TASOR2: variants seen among roughly 807,000 people sequenced by gnomAD.
TASOR2 encodes the protein protein TASOR 2.
Under a neutral mutation model 199.5 loss-of-function variants are expected in TASOR2, and 84 were observed. The ratio of observed to expected loss-of-function variants is 0.42; its 90% confidence interval spans 0.35 to 0.50. The LOEUF (loss-of-function observed/expected upper bound fraction) is 0.50, where lower values mean the gene tolerates loss of function less well. TASOR2 is among the 20% of genes least tolerant of loss of function. TASOR2 has a pLI of 0.02. For missense variants in TASOR2, 2,796 were observed against 2,835.9 expected (o/e 0.99, Z 0.32); for synonymous variants, 1,103 against 1,046.6 (o/e 1.05, Z -1.04).
intron 14 of TASOR2, among the ~76,000 whole-genome samples, chr10:5,743,445 T>TTAA (rs1432304845): frequency 6.6e-6 from 1 of 152,210 alleles, no homozygotes; most frequent in Admixed American, 6.5e-5. Context: ...TTAAAGACTA[T>TTAA]TAATCTCCCC....
chr10:5,748,371 C>T lies in TASOR2; in HGVS notation c.4950C>T (p.Cys1650=), dbSNP rs184226081. ...ATGGAGCTTATTCTACACAGGGATG[C>T]ATGTGCTCAGTGGTCCCCACGCTTT... The change falls in exon 15 of 21, where the codon TGC becomes TGT. Residue 1650 remains cysteine (C), a synonymous_variant. Transcript: ENST00000328090. This position sits in a 1 kb window ranked among gnomAD's most constrained non-coding sequence, Gnocchi z 5.1. 158 of 1,614,242 alleles carry T rather than the reference C, an allele frequency of 9.8e-5. 1 individual carries two copies. In the East Asian group the frequency reaches 3.3e-3, roughly 34 times the overall value.
intron 1 of TASOR2, among the ~76,000 whole-genome samples, chr10:5,691,995 C>T (rs1240399849): frequency 1.3e-5 from 2 of 152,004 alleles, no homozygotes; most frequent in Admixed American, 6.6e-5. Flanking sequence ...CAGGTTAACA[C>T]GGTGAAACGC....
intron 1 of TASOR2, among the ~76,000 whole-genome samples, chr10:5,695,889 T>G (rs1057349691): frequency 2.4e-4 from 36 of 152,160 alleles, no homozygotes; most frequent in African/African-American, 7.2e-4. Flanking sequence ...ACAGGACTTC[T>G]GAAGTCAAGA....
At chr10:5,714,503 G>C (rs1239913072) in intron 2 of TASOR2, 1 of 237,552 alleles carries the variant, frequency 4.2e-6, no homozygotes, top group Non-Finnish European at 8.0e-6. Context: ...GGAATGTGAG[G>C]GGTAAGAGAG....
chr10:5,748,888 C>T lies in TASOR2; in HGVS notation c.5467C>T (p.His1823Tyr). 6.2e-7 allele frequency: 1 copy of T among 1,614,130 alleles called. No homozygotes were observed. The highest frequency in any genetic ancestry group is 8.5e-7 in the Non-Finnish European group (1 of 1,180,008). The change falls in exon 15 of 21, where the codon CAC becomes TAC. Residue 1823 changes from histidine (H) to tyrosine (Y), a missense_variant. Transcript: ENST00000328090. This position sits in a 1 kb window ranked among gnomAD's most constrained non-coding sequence, Gnocchi z 5.1. ...AGAGGTCGGTGTGAATTCCGACATGCACTATGAACTCTCTGGAGATTCTGA... is the reference window on the plus strand; with the variant it reads ...AGAGGTCGGTGTGAATTCCGACATGTACTATGAACTCTCTGGAGATTCTGA...
chr10:5,738,909 T>C lies in TASOR2; in HGVS notation c.1448-709T>C, dbSNP rs796457076. On this transcript the variant is annotated intron_variant, in intron 12 of 20. Transcript: ENST00000328090. This position sits in a 1 kb window ranked among gnomAD's most constrained non-coding sequence, Gnocchi z 4.7. ...GCATATGGATAGATTTGATTATCTG[T>C]AAAAGGGAACATTGTCAGTAGATTT... is the stretch of plus-strand genomic sequence containing the variant. Among the ~76,000 whole-genome samples the C allele has an allele frequency of 1.3e-5, 2 of 152,330 alleles. No individual in the cohort carries two copies. The highest frequency in any genetic ancestry group is 2.9e-5 in the Non-Finnish European group (2 of 68,040).
intron 6 of TASOR2, 120 bp from the exon 8 acceptor site, chr10:5,723,557 C>A: frequency 1.9e-6 from 1 of 523,906 alleles, no homozygotes; most frequent in Non-Finnish European, 3.3e-6. Flanking sequence ...TGGAGCTTAT[C>A]AACTTAAGGT....
intron 17 of TASOR2, 99 bp from the exon 19 acceptor site, chr10:5,758,788 G>GT: frequency 1.5e-5 from 13 of 862,624 alleles, no homozygotes; most frequent in Admixed American, 2.2e-5. Flanking sequence ...GTCTTAGTCT[G>GT]TTTTTTTCTT....
intron 7 of TASOR2, among the ~76,000 whole-genome samples, 190 bp from the exon 9 acceptor site, chr10:5,724,240 G>C (rs916224024): frequency 3.3e-5 from 5 of 152,072 alleles, no homozygotes; most frequent in African/African-American, 1.2e-4. Context: ...ATAAATAAGA[G>C]CATTGTTTTA....
intron 2 of TASOR2, among the ~76,000 whole-genome samples, chr10:5,713,573 T>C (rs2131552448): frequency 6.6e-6 from 1 of 152,326 alleles, no homozygotes; most frequent in African/African-American, 2.4e-5. Flanking sequence ...AGCACTAACA[T>C]ATAATAAGGA....
chr10:5,694,302 G>A (rs1281959838), intron 1 of TASOR2, among the ~76,000 whole-genome samples: 1 of 152,112 alleles, frequency 6.6e-6, no homozygotes, highest in African/African-American at 2.4e-5. Context: ...GCAGTGAGAG[G>A]GTACTGAGGG....
In TASOR2 at chr10:5,737,167, C is replaced by T. The variant is rs1835733518; in HGVS notation, c.1447+1621C>T. Among the ~76,000 whole-genome samples, 1 of 152,034 alleles carries T rather than the reference C, an allele frequency of 6.6e-6. No homozygotes were observed. Among genetic ancestry groups the T allele is most frequent in the African/African-American group, 2.4e-5 (1 of 41,386 alleles). On this transcript the variant is annotated intron_variant, in intron 12 of 20. Transcript: ENST00000328090. This position sits in a 1 kb window ranked among gnomAD's most constrained non-coding sequence, Gnocchi z 4.9. ...TAGAGATGGGGTTTAACCATTTTGG[C>T]CAGGATAGTCTCAACTTCTTGACCT...
intron 11 of TASOR2, among the ~76,000 whole-genome samples, chr10:5,733,678 A>G (rs1835160159): frequency 6.6e-6 from 1 of 152,216 alleles, no homozygotes. Context: ...GTACTTGGGA[A>G]TATCTTCCTT....
At chr10:5,714,421 T>C (rs1832340168) in intron 2 of TASOR2, 4 of 355,962 alleles carry the variant, frequency 1.1e-5, no homozygotes, top group African/African-American at 2.1e-5. Flanking sequence ...TGGTATTGTC[T>C]TGAGAATCTC....
At chr10:5,725,189 G>A (rs1833889992) in intron 8 of TASOR2, among the ~76,000 whole-genome samples, 3 of 151,988 alleles carry the variant, frequency 2.0e-5, no homozygotes, top group Admixed American at 6.6e-5. Context: ...CACGAGGTCA[G>A]GAGATCGAGA....
At chr10:5,697,252 CT>C (rs1488056151) in intron 1 of TASOR2, among the ~76,000 whole-genome samples, 1 of 151,546 alleles carries the variant, frequency 6.6e-6, no homozygotes, top group African/African-American at 2.4e-5. Context: ...GAGGTGCTAG[CT>C]CTTAAACTGC....
rs377625753 is a variant in TASOR2, at chr10:5,702,380, A to G, written c.-287-10443A>G. Among the ~76,000 whole-genome samples, 9 of 152,150 alleles carry G rather than the reference A, an allele frequency of 5.9e-5. No homozygotes were observed. The East Asian group carries it at 9.6e-4, about 16-fold the overall frequency. Reference sequence around the variant, plus strand: ...TAGTATATTGAGAATTTTTGCATCTATGTTTATCTGTGATATTGGCCTGTA... The same window carrying G: ...TAGTATATTGAGAATTTTTGCATCTGTGTTTATCTGTGATATTGGCCTGTA... On this transcript the variant is annotated intron_variant, in intron 1 of 20. Coordinates refer to ENST00000328090, the Ensembl canonical transcript of TASOR2.
chr10:5,751,119 TCCCCTTA>T lies in TASOR2; in HGVS notation c.6606+1094_6606+1100del, dbSNP rs1039527418. Among the ~76,000 whole-genome samples the T allele has an allele frequency of 1.3e-5, 2 of 152,264 alleles. No homozygotes were observed. The highest frequency in any genetic ancestry group is 4.8e-5 in the African/African-American group (2 of 41,476). On this transcript the variant is annotated intron_variant, in intron 15 of 20. Coordinates refer to ENST00000328090, the Ensembl canonical transcript of TASOR2. The surrounding 1 kb of genome is among the most constrained non-coding windows in gnomAD (Gnocchi z 5.3). ...TCAGGAGGCACCCGATGTTGATTTATCCCCTTACTGGTATATTAACCTTTTCACTTGG... is the reference window on the plus strand; with the variant it reads ...TCAGGAGGCACCCGATGTTGATTTATCTGGTATATTAACCTTTTCACTTGG...
chr10:5,704,205 CAG>C (rs1271612065), intron 1 of TASOR2, among the ~76,000 whole-genome samples: 2 of 140,302 alleles, frequency 1.4e-5, no homozygotes, highest in Non-Finnish European at 3.0e-5. Context: ...GCCTGGGTGA[CAG>C]AGTGAGACTC....
Sources: gnomAD v4.1 joint callset for allele counts (sites outside exome capture counted in the v4.1 genomes callset) on GRCh38, gnomAD v4.1.1 for gene constraint, Gnocchi (gnomAD v3.1) non-coding constraint, MANE v1.5 for transcripts, NCBI Gene and HGNC (gene_info 2026-07-23, HGNC 2026-07-21) for gene names.